Variants in TPR observed in about 807,000 individuals in gnomAD.
TPR encodes translocated promoter region, nuclear basket protein.
A neutral mutation model predicts 316.1 loss-of-function variants in TPR; 51 were observed. The ratio of observed to expected loss-of-function variants is 0.16; its 90% CI spans 0.13 to 0.20. The LOEUF is 0.20. TPR is among the 10% of genes least tolerant of loss of function. TPR has a pLI of 1.00. For synonymous variants in TPR, 981 were observed against 914.7 expected, an observed-to-expected ratio of 1.07 and a Z score of -1.31; for missense variants, 2,272 against 2,754.8, an observed-to-expected ratio of 0.82 and a Z score of 3.92.
intron 39 of TPR, among the ~76,000 whole-genome samples, chr1:186,328,563 A>G (rs1482092830): frequency 2.0e-5 from 3 of 152,158 alleles, no homozygotes; most frequent in Non-Finnish European, 4.4e-5. Context: ...GAAAAAAAAA[A>G]TACTCATGGG....
At chr1:186,351,898 T>C in intron 19 of TPR, 78 bp downstream of exon 19, 1 of 1,490,574 alleles carries the variant, frequency 6.7e-7, no homozygotes, top group Non-Finnish European at 9.0e-7. Flanking sequence ...ATTTTCTAAT[T>C]AAGGAAATTG....
In TPR at chr1:186,331,588, C is replaced by A. The variant is rs770986444; in HGVS notation, c.5605-7G>T. On this transcript the variant is annotated splice_polypyrimidine_tract_variant and splice_region_variant and intron_variant, in intron 38 of 50. Coordinates refer to ENST00000367478, the MANE Select transcript of TPR (RefSeq NM_003292.3). ...CTTCTGCCATAACTTCTTCCTGTAT[C>A]ATAATACACTAATATATTAACCATA... 2.2e-5 allele frequency: 35 copies of A among 1,593,612 alleles called. No individual in the cohort carries two copies. Among genetic ancestry groups the A allele is most frequent in the Non-Finnish European group, 2.7e-5 (32 of 1,165,522 alleles).
rs762242652 is a variant in TPR, at chr1:186,363,005, A to T, written c.532-4T>A. ...GCTCCAAGCGTTTTTCTCGATACTA[A>T]AGAAATCCAAGAAAATAACACGTAC... On this transcript the variant is annotated splice_polypyrimidine_tract_variant and splice_region_variant and intron_variant, in intron 5 of 50. Coordinates refer to ENST00000367478, the MANE Select transcript of TPR (RefSeq NM_003292.3). 6.3e-7 allele frequency: 1 copy of T among 1,591,908 alleles called. No homozygotes were observed. Among genetic ancestry groups the T allele is most frequent in the South Asian group, 1.1e-5 (1 of 87,514 alleles).
chr1:186,337,885 T>A (rs1658387475), intron 31 of TPR, 148 bp downstream of exon 31: 1 of 685,116 alleles, frequency 1.5e-6, no homozygotes, highest in South Asian at 2.3e-5. Flanking sequence ...TTTTCAGACA[T>A]ATTAAAGAAC....
chr1:186,317,460 G>T (rs1415406457), intron 49 of TPR, 22 bp downstream of exon 49: 1 of 1,574,770 alleles, frequency 6.4e-7, no homozygotes, highest in Non-Finnish European at 8.7e-7. Flanking sequence ...AAACTGTATT[G>T]CAGTCAAGGG....
intron 39 of TPR, among the ~76,000 whole-genome samples, chr1:186,330,840 G>C (rs1450147929): frequency 6.6e-6 from 1 of 152,118 alleles, no homozygotes; most frequent in Non-Finnish European, 1.5e-5. Context: ...AGGAAGAAAG[G>C]AAAGTAATAA....
At position 186,334,428 on chromosome 1, in the gene TPR, G is replaced by A; in HGVS notation, c.5079C>T (p.Pro1693=). 1 of 1,613,674 alleles carries A rather than the reference G, an allele frequency of 6.2e-7. No homozygotes were observed. Among genetic ancestry groups the A allele is most frequent in the Non-Finnish European group, 8.5e-7 (1 of 1,179,764 alleles). Residue 1693 remains proline (P), a synonymous_variant, in exon 36 of 51, where the codon CCC becomes CCT. Transcript: ENST00000367478. ...AAAMAGNKST[P]RASIRPMVTP... is the part of the protein sequence containing the mutation. ...TAACCATTGGGCGGATACTAGCCCT[G>A]GGTGTTGACTTATTTCCAGCCATAG... is the stretch of plus-strand genomic sequence containing the variant.
At position 186,338,112 on chromosome 1, in the gene TPR, A is replaced by G. The variant is rs35550453; in HGVS notation, c.4283T>C (p.Val1428Ala). The G allele has an allele frequency of 1.2e-6, 2 of 1,612,340 alleles. No individual in the cohort carries two copies. Among genetic ancestry groups the G allele is most frequent in the South Asian group, 2.2e-5 (2 of 91,040 alleles). Reference sequence around the variant, plus strand: ...TTTCTTAACTTGAGTAATAGTTTTGACTTTTTCTTGGATATCAATTATTTT... The same window carrying G: ...TTTCTTAACTTGAGTAATAGTTTTGGCTTTTTCTTGGATATCAATTATTTT... ...DAKIIDIQEK[V>A]KTITQVKKIG... The change falls in exon 31 of 51, where the codon GTC becomes GCC. Residue 1428 changes from valine to alanine, a missense_variant. Coordinates refer to ENST00000367478, the MANE Select transcript of TPR (RefSeq NM_003292.3).
chr1:186,354,835 G>C (rs553521463), intron 17 of TPR, among the ~76,000 whole-genome samples: 5 of 152,034 alleles, frequency 3.3e-5, no homozygotes, highest in African/African-American at 1.2e-4. Flanking sequence ...AAGTCCTACC[G>C]AAACAAGTCC....
chr1:186,332,751 G>A (rs1406879544), intron 37 of TPR, among the ~76,000 whole-genome samples: 1 of 152,030 alleles, frequency 6.6e-6, no homozygotes, highest in Non-Finnish European at 1.5e-5. Flanking sequence ...TCTTATCTTA[G>A]GTGTCTTTTA....
Position 186,311,745 on chromosome 1 carries a change from T to G in TPR, c.*2226A>C, listed in dbSNP as rs534863310. ...AAAAAATCAATATTGAGGGTAGTAT[T>G]CTTATTGCCCTCAATTTTTATTTTC... On this transcript the variant is annotated 3_prime_UTR_variant, in exon 51 of 51. Transcript: ENST00000367478. 24 of 813,600 alleles carry G rather than the reference T, an allele frequency of 2.9e-5. No individual in the cohort carries two copies. In the East Asian group the frequency reaches 6.4e-4, roughly 22 times the overall value. The allele number at this position is 813,600 out of a possible 1,614,324, so 50.4% of individuals were successfully genotyped here. A position where few individuals can be genotyped will look rare whatever the true frequency, so the allele number is the denominator to read the frequency against.
In TPR at chr1:186,362,372, T is replaced by A; in HGVS notation, c.705A>T (p.Arg235Ser). Residue 235 changes from arginine (R) to serine (S), a missense_variant, in exon 7 of 51, where the codon AGA becomes AGT. Physicochemically the swap from Arg to Ser is moderately radical, Grantham distance 110. This residue lies in a region of TPR where 549 missense variants were observed against 598.6 expected (regional missense o/e 0.92). Coordinates refer to ENST00000367478, the MANE Select transcript of TPR (RefSeq NM_003292.3). ...NLENKKEEVS[R>S]LEEQMNGLKT... ...TTAAGCCATTCATTTGTTCTTCCAG[T>A]CTAGAAACCTAAAAACAAAAAATAG... 6.2e-7 allele frequency: 1 copy of A among 1,611,482 alleles called. No individual in the cohort carries two copies.
intron 20 of TPR, 44 bp downstream of exon 20, chr1:186,351,286 G>T: frequency 6.5e-7 from 1 of 1,536,812 alleles, no homozygotes; most frequent in South Asian, 1.3e-5. Context: ...ATTAATTACT[G>T]AACATAAACA....
chr1:186,328,794 AATCT>A (rs1251933441), intron 39 of TPR, among the ~76,000 whole-genome samples: 1 of 152,196 alleles, frequency 6.6e-6, no homozygotes, highest in Non-Finnish European at 1.5e-5. Context: ...TTCCTTGCTC[AATCT>A]ATTTCCACAA....
chr1:186,339,768 A>G lies in TPR; in HGVS notation c.4025T>C (p.Leu1342Pro), dbSNP rs1348608967. The change falls in exon 30 of 51, where the codon CTA becomes CCA. Residue 1342 changes from leucine to proline, a missense_variant. By Grantham distance (98) the Leu-to-Pro change is moderately conservative. This residue lies in a region of TPR where 96 missense variants were observed against 134.6 expected (regional missense o/e 0.71). Coordinates refer to ENST00000367478, the MANE Select transcript of TPR (RefSeq NM_003292.3). ...VKRWKARNQH[L>P]VSQQKDPDTE... is the part of the protein sequence containing the mutation. Reference sequence around the variant, plus strand: ...ATCTGGATCTTTCTGTTGACTTACTAGATGCTAGAATAACAAAAATGCATA... The same window carrying G: ...ATCTGGATCTTTCTGTTGACTTACTGGATGCTAGAATAACAAAAATGCATA... 6.3e-7 allele frequency: 1 copy of G among 1,578,790 alleles called. No homozygotes were observed. Among genetic ancestry groups the G allele is most frequent in the Non-Finnish European group, 8.6e-7 (1 of 1,167,414 alleles).
intron 30 of TPR, 27 bp from the exon 31 acceptor site, chr1:186,338,270 G>A: frequency 6.4e-7 from 1 of 1,557,954 alleles, no homozygotes; most frequent in Non-Finnish European, 8.7e-7. Flanking sequence ...AAAGAAGAAA[G>A]ATTAAATATA....
intron 24 of TPR, among the ~76,000 whole-genome samples, chr1:186,344,817 A>G (rs1658627587): frequency 6.6e-6 from 1 of 152,256 alleles, no homozygotes; most frequent in Non-Finnish European, 1.5e-5. Context: ...GAAGCTAAAC[A>G]TAACTCAGCT....
rs766300100 is a variant in TPR, at chr1:186,346,160, C to T, written c.3071G>A (p.Arg1024Lys). Residue 1024 changes from arginine to lysine, a missense_variant, in exon 23 of 51, where the codon AGA (arginine) becomes AAA (lysine). Physicochemically the swap from Arg to Lys is conservative, Grantham distance 26. Coordinates refer to ENST00000367478, the MANE Select transcript of TPR (RefSeq NM_003292.3). ...EKQELQDDKR[R>K]AIESMEQQLS... ...CTGTTGTTCCATGCTCTCTATGGCT[C>T]TTCTTTTATCATCCTGAAGTTCTTG... 6.2e-7 allele frequency: 1 copy of T among 1,612,610 alleles called. No individual in the cohort carries two copies. The highest frequency in any genetic ancestry group is 8.5e-7 in the Non-Finnish European group (1 of 1,179,356).
At chr1:186,374,494 C>G (rs1659639544) in intron 1 of TPR, among the ~76,000 whole-genome samples, 1 of 152,134 alleles carries the variant, frequency 6.6e-6, no homozygotes, top group Non-Finnish European at 1.5e-5. Context: ...TGGCAAAGGC[C>G]TAGAATGCAG....
Sources: gnomAD v4.1 joint callset for allele counts (sites outside exome capture counted in the v4.1 genomes callset) on GRCh38, gnomAD v4.1.1 for gene constraint, gnomAD v4.1.1 regional missense constraint, MANE v1.5 for transcripts, NCBI Gene and HGNC (gene_info 2026-07-23, HGNC 2026-07-21) for gene names.